Variants in TMCO4 observed in about 807,000 individuals in gnomAD.
TMCO4 encodes the protein transmembrane and coiled-coil domains 4.
TMCO4 carries 58 observed loss-of-function variants against 64.7 expected under a neutral mutation model. That is an observed-to-expected ratio of 0.90 (90% CI 0.73 to 1.12). TMCO4 has a LOEUF of 1.12. Among genes scored for constraint, TMCO4 ranks in the 50% most tolerant of loss-of-function variants. The probability of loss-of-function intolerance (pLI) is 0.00; values close to 1 mark genes in which losing one functional copy is unlikely to be tolerated. For missense variants in TMCO4, 780 were observed against 825.9 expected, an observed-to-expected ratio of 0.94 and a Z score of 0.68; for synonymous variants, 325 against 346.1, an observed-to-expected ratio of 0.94 and a Z score of 0.68.
In TMCO4 at chr1:19,746,512, G is replaced by A; in HGVS notation, c.701C>T (p.Ala234Val). Residue 234 changes from alanine to valine, a missense_variant, in exon 9 of 16, where the codon GCA becomes GTA. Coordinates refer to ENST00000294543, the MANE Select transcript of TMCO4 (RefSeq NM_181719.7). ...CGAGGTCATGATGGCTATGCCGGCT[G>A]CTGAGCCCAGAGCCGCTGCCCCGGC... is the stretch of plus-strand genomic sequence containing the variant. ...GSAGAAALGSAAGIAIMTSLF... is the reference protein window; with the variant it reads ...GSAGAAALGSVAGIAIMTSLF... The A allele has an allele frequency of 6.2e-7, 1 of 1,612,356 alleles. No homozygotes were observed. Among genetic ancestry groups the A allele is most frequent in the Non-Finnish European group, 8.5e-7 (1 of 1,179,350 alleles).
intron 12 of TMCO4, 47 bp downstream of exon 12, chr1:19,739,777 C>T: frequency 6.3e-7 from 1 of 1,591,434 alleles, no homozygotes; most frequent in Non-Finnish European, 8.6e-7. Flanking sequence ...CAGCACCTGA[C>T]TTCCCCTCTT....
rs567168718 is a variant in TMCO4, at chr1:19,762,729, G to C, written c.383-6963C>G. Among the ~76,000 whole-genome samples, 4 of 152,344 alleles carry C rather than the reference G, an allele frequency of 2.6e-5. No homozygotes were observed. The East Asian group carries it at 7.7e-4, about 29-fold the overall frequency. On this transcript the variant is annotated intron_variant, in intron 6 of 15. Coordinates refer to ENST00000294543, the MANE Select transcript of TMCO4 (RefSeq NM_181719.7). Reference sequence around the variant, plus strand: ...CATTTCCAAATCCCCCAAATCAGGAGCGGGGGGCAGGACAGCCTCCTGTTG... The same window carrying C: ...CATTTCCAAATCCCCCAAATCAGGACCGGGGGGCAGGACAGCCTCCTGTTG...
chr1:19,780,737 A>C lies in TMCO4; in HGVS notation c.22T>G (p.Cys8Gly). The change falls in exon 4 of 16, where the codon TGC becomes GGC. Residue 8 changes from cysteine (C) to glycine (G), a missense_variant. Physicochemically the swap from Cys to Gly is radical, Grantham distance 159. Coordinates refer to ENST00000294543, the MANE Select transcript of TMCO4 (RefSeq NM_181719.7). ...AGAGGCTGCTGAGGCAGCCTCTGGC[A>C]TGGCCTGTTCCACATGGCCATTCCC... The part of the protein sequence containing the change: MAMWNRP[C>G]QRLPQQPLVA... The C allele has an allele frequency of 2.5e-6, 4 of 1,599,688 alleles. No homozygotes were observed. The highest frequency in any genetic ancestry group is 3.4e-6 in the Non-Finnish European group (4 of 1,176,254).
chr1:19,733,429 C>T (rs1463366530), intron 13 of TMCO4, among the ~76,000 whole-genome samples: 1 of 152,152 alleles, frequency 6.6e-6, no homozygotes, highest in Non-Finnish European at 1.5e-5. Flanking sequence ...AGAATCGATT[C>T]CTTTACTTGG....
intron 2 of TMCO4, among the ~76,000 whole-genome samples, chr1:19,795,944 C>T (rs1252198400): frequency 6.6e-6 from 1 of 152,216 alleles, no homozygotes; most frequent in African/African-American, 2.4e-5. Context: ...TCCCTGCTTC[C>T]AGCTCATCCT....
rs377420526 is a variant in TMCO4 at position 19,796,250 on chromosome 1, C to T, written c.-101+1887G>A. Among the ~76,000 whole-genome samples the T allele has an allele frequency of 8.9e-4, 135 of 152,298 alleles. 4 individuals carry two copies. In the South Asian group the frequency reaches 0.026, roughly 29 times the overall value. ...AAGTCCTAGGATGCTCCTTCCAGGC[C>T]TGTGTGACCTCAAACCCCAAGTCCT... On this transcript the variant is annotated intron_variant, in intron 2 of 15. Transcript: ENST00000294543.
chr1:19,777,138 G>A (rs989848078), intron 4 of TMCO4, among the ~76,000 whole-genome samples: 1 of 151,846 alleles, frequency 6.6e-6, no homozygotes, highest in African/African-American at 2.4e-5. Flanking sequence ...TCTAGCCAAT[G>A]ACACCAAAGG....
At chr1:19,739,434 C>T in intron 12 of TMCO4, among the ~76,000 whole-genome samples, 1 of 152,238 alleles carries the variant, frequency 6.6e-6, no homozygotes, top group East Asian at 1.9e-4. Flanking sequence ...ATTCACTTTA[C>T]TGGCTTCACT....
intron 15 of TMCO4, among the ~76,000 whole-genome samples, chr1:19,685,320 T>G (rs1207988329): frequency 1.7e-5 from 2 of 116,166 alleles, no homozygotes; most frequent in Non-Finnish European, 1.8e-5. Context: ...AGCAAGACCC[T>G]GTCTCCAGAA....
intron 15 of TMCO4, among the ~76,000 whole-genome samples, chr1:19,686,243 G>A (rs1413342966): frequency 1.3e-5 from 2 of 152,160 alleles, no homozygotes; most frequent in Admixed American, 6.5e-5. Context: ...CCCCTGAGAT[G>A]GAGTCTCACG....
intron 4 of TMCO4, among the ~76,000 whole-genome samples, chr1:19,776,458 T>A (rs754434641): frequency 6.6e-6 from 1 of 152,164 alleles, no homozygotes; most frequent in Non-Finnish European, 1.5e-5. Flanking sequence ...TGGCACACAG[T>A]CCAGATTCAT....
chr1:19,796,988 CCT>C (rs2044339542), intron 2 of TMCO4, among the ~76,000 whole-genome samples: 1 of 152,166 alleles, frequency 6.6e-6, no homozygotes. Flanking sequence ...GGTCACAATC[CCT>C]GATACATCCT....
rs936848498 is a variant in TMCO4 at position 19,737,371 on chromosome 1, C to A, written c.1264+1G>T. The A allele has an allele frequency of 6.2e-7, 1 of 1,612,572 alleles. No homozygotes were observed. ...CGTCTGTGACAATAATCCATGCTCA[C>A]CTTTCTCTTGAGCCATCTCCTGCAG... On this transcript the variant is annotated splice_donor_variant, in intron 13 of 15. Coordinates refer to ENST00000294543, the MANE Select transcript of TMCO4 (RefSeq NM_181719.7). LOFTEE classifies it high-confidence loss of function.
chr1:19,684,063 C>CTGTTTTTTT (rs2095127199), intron 15 of TMCO4, among the ~76,000 whole-genome samples: 1 of 70,316 alleles, frequency 1.4e-5, no homozygotes, highest in African/African-American at 6.9e-5. Flanking sequence ...TGCCCGGCAG[C>CTGTTTTTTT]TTTTTTTTTT....
At chr1:19,699,169 C>T (rs530381037) in intron 14 of TMCO4, among the ~76,000 whole-genome samples, 4 of 150,410 alleles carry the variant, frequency 2.7e-5, no homozygotes, top group African/African-American at 9.8e-5. Flanking sequence ...GCACTCCAGC[C>T]TGGGTGACAA....
chr1:19,713,332 C>A (rs2095340522), intron 13 of TMCO4, among the ~76,000 whole-genome samples: 1 of 151,954 alleles, frequency 6.6e-6, no homozygotes, highest in Admixed American at 6.6e-5. Context: ...GTGTAGTGGG[C>A]AACAGGTTAA....
At chr1:19,714,960 T>C (rs572386245) in intron 13 of TMCO4, among the ~76,000 whole-genome samples, 2 of 151,174 alleles carry the variant, frequency 1.3e-5, no homozygotes, top group Admixed American at 1.3e-4. Flanking sequence ...ATAAAAAGTA[T>C]GGCCAGGTGC....
intron 15 of TMCO4, among the ~76,000 whole-genome samples, chr1:19,688,331 C>A (rs2095166168): frequency 6.6e-6 from 1 of 152,160 alleles, no homozygotes; most frequent in Admixed American, 6.5e-5. Context: ...GGAACCAGAT[C>A]CCTGCAGGTA....
At position 19,732,951 on chromosome 1, in the gene TMCO4, T is replaced by C. The variant is rs2095436369; in HGVS notation, c.1264+4421A>G. ...CTTCTCGTTTTTCTTTTTTGCTGAC[T>C]ACCTACTCATCTGTCAATATAGAAG... is the stretch of plus-strand genomic sequence containing the variant. On this transcript the variant is annotated intron_variant, in intron 13 of 15. Coordinates refer to ENST00000294543, the MANE Select transcript of TMCO4 (RefSeq NM_181719.7). The surrounding 1 kb of genome is among the most constrained non-coding windows in gnomAD (Gnocchi z 4.8). Among the ~76,000 whole-genome samples, 1 of 151,992 alleles carries C rather than the reference T, an allele frequency of 6.6e-6. No homozygotes were observed. Among genetic ancestry groups the C allele is most frequent in the Non-Finnish European group, 1.5e-5 (1 of 68,004 alleles).
Sources: allele counts gnomAD v4.1 joint callset (sites outside exome capture counted in the v4.1 genomes callset), GRCh38; gene constraint gnomAD v4.1.1; non-coding constraint Gnocchi (gnomAD v3.1); transcripts MANE v1.5; gene names NCBI Gene and HGNC (gene_info 2026-07-23, HGNC 2026-07-21).